RAB10: variants seen among roughly 807,000 people sequenced by gnomAD.
RAB10 encodes RAB10, member RAS oncogene family, also known as ras-related protein Rab-10.
A neutral mutation model predicts 25.7 loss-of-function variants in RAB10; 5 were observed. The observed-to-expected ratio is 0.19, with a 90% CI of 0.10 to 0.41. The LOEUF (loss-of-function observed/expected upper bound fraction) is 0.41, where lower values mean the gene tolerates loss of function less well. RAB10 is among the 10% of genes least tolerant of loss of function. The probability of loss-of-function intolerance (pLI) is 1.00; values close to 1 mark genes in which losing one functional copy is unlikely to be tolerated. For synonymous variants in RAB10, 89 were observed against 86.4 expected (o/e 1.03, Z -0.16); for missense variants, 103 against 245.8 (o/e 0.42, Z 3.89).
intron 1 of RAB10, among the ~76,000 whole-genome samples, chr2:26,044,500 T>C (rs1665953940): frequency 1.3e-5 from 2 of 151,890 alleles, no homozygotes; most frequent in Admixed American, 6.6e-5. Context: ...CTGAGACTGG[T>C]GAGGTGAAGT....
intron 1 of RAB10, among the ~76,000 whole-genome samples, chr2:26,072,046 A>G (rs191096626): frequency 3.3e-4 from 45 of 137,988 alleles, no homozygotes; most frequent in East Asian, 1.7e-3. Context: ...TTAATTTCCA[A>G]ATGACCAATA....
chr2:26,040,018 C>T (rs929729224), intron 1 of RAB10, among the ~76,000 whole-genome samples: 1 of 152,100 alleles, frequency 6.6e-6, no homozygotes, highest in African/African-American at 2.4e-5. Context: ...CTACATGTGG[C>T]TTGTAGCTAC....
chr2:26,101,629 G>A (rs534938665), intron 2 of RAB10: 9 of 152,440 alleles, frequency 5.9e-5, no homozygotes, highest in African/African-American at 2.2e-4. Flanking sequence ...CAGAGCTGCA[G>A]TGGTTACCTG....
Position 26,102,572 on chromosome 2 carries a change from G to A in RAB10, c.188+3850G>A, listed in dbSNP as rs964885862. 6.6e-5 allele frequency among the ~76,000 whole-genome samples: 10 copies of A among 151,850 alleles called. No homozygotes were observed. In the East Asian group the frequency reaches 1.7e-3, roughly 26 times the overall value. ...TCCTGCCTCAGCCTCCTGAGCAGCTGGGACTACAGGTGCCTGTCACCACGT... is the reference window on the plus strand; with the variant it reads ...TCCTGCCTCAGCCTCCTGAGCAGCTAGGACTACAGGTGCCTGTCACCACGT... On this transcript the variant is annotated intron_variant, in intron 2 of 5. Transcript: ENST00000264710.
At chr2:26,120,053 A>G (rs532656242) in intron 3 of RAB10, among the ~76,000 whole-genome samples, 1 of 152,232 alleles carries the variant, frequency 6.6e-6, no homozygotes, top group East Asian at 1.9e-4. Flanking sequence ...CCTTTTTTAT[A>G]CTTCATTGAT....
chr2:26,116,522 ATTTC>A lies in RAB10; in HGVS notation c.327+6620_327+6623del, dbSNP rs1242423811. Among the ~76,000 whole-genome samples the A allele has an allele frequency of 1.0e-4, 10 of 97,116 alleles. No homozygotes were observed. In the South Asian group the frequency reaches 1.4e-3, roughly 14 times the overall value. The allele number at this position is 97,116 out of a possible 152,430, so 63.7% of individuals were successfully genotyped here. A position where few individuals can be genotyped will look rare whatever the true frequency, so the allele number is the denominator to read the frequency against. On this transcript the variant is annotated intron_variant, in intron 3 of 5. Transcript: ENST00000264710. ...ATCAGCCATTCCCCATGGAGACTGTATTTCTTTTCTTTCTTTCTGTCTTGTGTTT... is the reference window on the plus strand; with the variant it reads ...ATCAGCCATTCCCCATGGAGACTGTATTTTCTTTCTTTCTGTCTTGTGTTT...
chr2:26,048,741 G>T (rs1666069707), intron 1 of RAB10, among the ~76,000 whole-genome samples: 4 of 152,140 alleles, frequency 2.6e-5, no homozygotes, highest in Admixed American at 2.0e-4. Flanking sequence ...TGGATGTGGT[G>T]GTGTGCACCT....
intron 1 of RAB10, among the ~76,000 whole-genome samples, chr2:26,057,976 A>G (rs1666303411): frequency 6.6e-6 from 1 of 152,152 alleles, no homozygotes; most frequent in South Asian, 2.1e-4. Context: ...AGGGGCTGAT[A>G]ACCCCTACTT....
intron 3 of RAB10, among the ~76,000 whole-genome samples, chr2:26,122,736 A>G (rs1264559491): frequency 2.0e-5 from 3 of 152,230 alleles, no homozygotes; most frequent in African/African-American, 7.2e-5. Context: ...AGAGGAGTTA[A>G]TGCCAGCAAA....
chr2:26,066,924 A>T (rs1666526665), intron 1 of RAB10, among the ~76,000 whole-genome samples: 1 of 151,924 alleles, frequency 6.6e-6, no homozygotes, highest in Non-Finnish European at 1.5e-5. Context: ...CTGGGACTAC[A>T]GGCACATGCC....
chr2:26,110,149 C>T (rs1203060201), intron 3 of RAB10, among the ~76,000 whole-genome samples: 2 of 151,926 alleles, frequency 1.3e-5, no homozygotes, highest in East Asian at 3.9e-4. Context: ...CCAGCCTGGC[C>T]AACATGGTGA....
chr2:26,113,148 G>A lies in RAB10; in HGVS notation c.327+3242G>A, dbSNP rs148023872. ...TTAAAGGATTATATAACATGATCAA[G>A]AGGAACTTACCCAGGAATGCAAGGG... On this transcript the variant is annotated intron_variant, in intron 3 of 5. Transcript: ENST00000264710. Among the ~76,000 whole-genome samples the A allele has an allele frequency of 3.6e-3, 546 of 152,252 alleles. 7 individuals are homozygous for A. In the South Asian group the frequency reaches 0.039, roughly 11 times the overall value.
chr2:26,080,209 C>T (rs1465050734), intron 1 of RAB10, among the ~76,000 whole-genome samples: 1 of 152,012 alleles, frequency 6.6e-6, no homozygotes, highest in East Asian at 1.9e-4. Context: ...TCTTTGAGTC[C>T]ATAGTAGCAA....
At position 26,120,088 on chromosome 2, in the gene RAB10, G is replaced by A. The variant is rs115600768; in HGVS notation, c.328-7056G>A. On this transcript the variant is annotated intron_variant, in intron 3 of 5. Transcript: ENST00000264710. ...TCATTTATTTATTGGCTTCGGCTTCGTTCCATCAGCCTGCTTGCACCTAAC... is the reference window on the plus strand; with the variant it reads ...TCATTTATTTATTGGCTTCGGCTTCATTCCATCAGCCTGCTTGCACCTAAC... Among the ~76,000 whole-genome samples, 1,209 of 152,066 alleles carry A rather than the reference G, an allele frequency of 8.0e-3. 22 individuals carry two copies. Among genetic ancestry groups the A allele is most frequent in the African/African-American group, 0.028 (1,152 of 41,452 alleles).
At chr2:26,123,037 G>A (rs967330185) in intron 3 of RAB10, among the ~76,000 whole-genome samples, 1 of 152,086 alleles carries the variant, frequency 6.6e-6, no homozygotes, top group Non-Finnish European at 1.5e-5. Flanking sequence ...CTGCCCTTAC[G>A]TATAAAGTTG....
Position 26,121,300 on chromosome 2 carries a change from AC to A in RAB10, c.328-5839del, listed in dbSNP as rs565816060. Among the ~76,000 whole-genome samples, 38 of 151,834 alleles carry A rather than the reference AC, an allele frequency of 2.5e-4. 1 individual carries two copies. Among genetic ancestry groups the A allele is most frequent in the African/African-American group, 8.7e-4 (36 of 41,392 alleles). Reference sequence around the variant, plus strand: ...TTCCTCCCTAATCCCACCTTTGTCTACCCCCTTTTAAACTGTCATTGACCCT... The same window carrying A: ...TTCCTCCCTAATCCCACCTTTGTCTACCCCTTTTAAACTGTCATTGACCCT... On this transcript the variant is annotated intron_variant, in intron 3 of 5. Transcript: ENST00000264710.
At chr2:26,046,595 T>C (rs1031631154) in intron 1 of RAB10, among the ~76,000 whole-genome samples, 1 of 152,032 alleles carries the variant, frequency 6.6e-6, no homozygotes, top group Non-Finnish European at 1.5e-5. Context: ...TTAAAAAAAA[T>C]TAATAGAGAT....
chr2:26,076,947 GAAA>G (rs796845901), intron 1 of RAB10, among the ~76,000 whole-genome samples: 14 of 98,674 alleles, frequency 1.4e-4, no homozygotes, highest in Non-Finnish European at 2.8e-4. Context: ...AAAAAAAAGA[GAAA>G]AAAAAAAAAA....
At chr2:26,059,776 A>T (rs1253490403) in intron 1 of RAB10, among the ~76,000 whole-genome samples, 7 of 152,122 alleles carry the variant, frequency 4.6e-5, no homozygotes, top group Non-Finnish European at 8.8e-5. Flanking sequence ...GGTGAAGGAG[A>T]GTTGTTTAAT....
Sources: gnomAD v4.1 joint callset for allele counts (sites outside exome capture counted in the v4.1 genomes callset) on GRCh38, gnomAD v4.1.1 for gene constraint, MANE v1.5 for transcripts, NCBI Gene and HGNC (gene_info 2026-07-23, HGNC 2026-07-21) for gene names.